WWTR1: variants seen among roughly 807,000 people sequenced by gnomAD.
WWTR1 encodes the protein WW domain containing transcription regulator 1, also known as WW domain-containing transcription regulator protein 1.
WWTR1 carries 13 observed loss-of-function variants against 40.1 expected under a neutral mutation model. That is an observed-to-expected ratio of 0.32 (90% CI 0.21 to 0.52). The LOEUF is 0.52. WWTR1 is among the 20% of genes least tolerant of loss of function. The pLI, the probability that WWTR1 is intolerant of heterozygous loss-of-function variation, is 0.97. For synonymous variants in WWTR1, 230 were observed against 210.1 expected (o/e 1.09, Z -0.82); for missense variants, 436 against 523.1 (o/e 0.83, Z 1.63).
At chr3:149,537,669 C>G (rs979159165) in intron 4 of WWTR1, among the ~76,000 whole-genome samples, 1 of 152,120 alleles carries the variant, frequency 6.6e-6, no homozygotes, top group Non-Finnish European at 1.5e-5. Context: ...GAAATAGCCA[C>G]CACAACCAAG....
In WWTR1 at chr3:149,517,781, A is replaced by G. The variant is rs752776538; in HGVS notation, c.*3024T>C. The G allele has an allele frequency of 2.2e-4, 33 of 152,234 alleles. No individual in the cohort carries two copies. The highest frequency in any genetic ancestry group is 3.1e-4 in the Non-Finnish European group (21 of 68,042). The allele number at this position is 152,234 out of a possible 1,614,324, so 9.4% of individuals were successfully genotyped here. A position where few individuals can be genotyped will look rare whatever the true frequency, so the allele number is the denominator to read the frequency against. On this transcript the variant is annotated 3_prime_UTR_variant, in exon 7 of 7. Transcript: ENST00000360632. ...ATTACTTAGATTTAACAGAATTGCAATTAGGTTTTGACAATGTATTTACTT... is the reference window on the plus strand; with the variant it reads ...ATTACTTAGATTTAACAGAATTGCAGTTAGGTTTTGACAATGTATTTACTT...
intron 2 of WWTR1, among the ~76,000 whole-genome samples, chr3:149,638,747 C>T (rs1711984452): frequency 6.6e-6 from 1 of 152,134 alleles, no homozygotes; most frequent in African/African-American, 2.4e-5. Context: ...CACGCTAGAC[C>T]CCAGAGTATT....
chr3:149,674,265 C>T (rs13072273), intron 1 of WWTR1, among the ~76,000 whole-genome samples: 30,160 of 143,622 alleles, frequency 0.21, 3,266 homozygotes, highest in Admixed American at 0.31. Flanking sequence ...CTGTCTTTCT[C>T]TATCTCTTTC....
chr3:149,532,483 T>G (rs991556085), intron 4 of WWTR1, among the ~76,000 whole-genome samples: 1 of 152,216 alleles, frequency 6.6e-6, no homozygotes, highest in African/African-American at 2.4e-5. Context: ...AACATAAAAT[T>G]TGTTCGAATA....
At chr3:149,710,949 T>C (rs1052615527) in intron 5 of WWTR1, among the ~76,000 whole-genome samples, 1 of 151,962 alleles carries the variant, frequency 6.6e-6, no homozygotes, top group African/African-American at 2.4e-5. Context: ...AGTTCACATA[T>C]GTAGTAAAGA....
At chr3:149,563,234 A>G (rs1029212160) in intron 3 of WWTR1, among the ~76,000 whole-genome samples, 1 of 152,170 alleles carries the variant, frequency 6.6e-6, no homozygotes, top group Non-Finnish European at 1.5e-5. Context: ...AGAAAGGACT[A>G]AAAAAGAAAA....
rs373915451 is a variant in WWTR1, at chr3:149,602,106, A to G, written c.432-29106T>C. ...CCTACTAGAAAAACTACCAATATGC[A>G]TTTGCAGACACTCAAATAATGCTGG... On this transcript the variant is annotated intron_variant, in intron 2 of 6. Coordinates refer to ENST00000360632, the MANE Select transcript of WWTR1 (RefSeq NM_015472.6). Among the ~76,000 whole-genome samples the G allele has an allele frequency of 5.9e-5, 9 of 152,300 alleles. No individual in the cohort carries two copies. The East Asian group carries it at 9.6e-4, about 16-fold the overall frequency.
At chr3:149,689,924 T>C (rs772978324) in intron 1 of WWTR1, among the ~76,000 whole-genome samples, 5 of 152,082 alleles carry the variant, frequency 3.3e-5, no homozygotes, top group Admixed American at 3.3e-4. Flanking sequence ...AAGATATAGA[T>C]AGTATAATAA....
At chr3:149,670,288 C>G (rs1000475983) in intron 1 of WWTR1, among the ~76,000 whole-genome samples, 1 of 152,196 alleles carries the variant, frequency 6.6e-6, no homozygotes, top group Non-Finnish European at 1.5e-5. Flanking sequence ...CACAGGCTGA[C>G]TTCTCCATTT....
At chr3:149,597,430 TAC>T (rs1739046043) in intron 2 of WWTR1, among the ~76,000 whole-genome samples, 3 of 36,402 alleles carry the variant, frequency 8.2e-5, no homozygotes. Context: ...ACCCCAGCTC[TAC>T]AAAAAAAAAA....
chr3:149,539,409 G>A (rs1198230626), intron 4 of WWTR1, among the ~76,000 whole-genome samples: 5 of 152,100 alleles, frequency 3.3e-5, no homozygotes, highest in Admixed American at 3.3e-4. Context: ...CTGGGGCCTT[G>A]CTCCCAGACA....
At chr3:149,665,638 C>A (rs1231410410) in intron 2 of WWTR1, among the ~76,000 whole-genome samples, 2 of 151,882 alleles carry the variant, frequency 1.3e-5, no homozygotes, top group African/African-American at 4.8e-5. Context: ...AATGTGACAA[C>A]CTGAAAAATG....
At chr3:149,667,273 G>C (rs1311078884) in intron 2 of WWTR1, among the ~76,000 whole-genome samples, 1 of 151,996 alleles carries the variant, frequency 6.6e-6, no homozygotes, top group Non-Finnish European at 1.5e-5. Context: ...GGGGCCGGGC[G>C]CAGTGGCTCA....
intron 3 of WWTR1, among the ~76,000 whole-genome samples, chr3:149,560,878 G>A (rs1737051885): frequency 6.6e-6 from 1 of 152,064 alleles, no homozygotes; most frequent in South Asian, 2.1e-4. Flanking sequence ...GAAAAACAGA[G>A]TTAGTGGGAA....
intron 1 of WWTR1, among the ~76,000 whole-genome samples, chr3:149,675,660 C>T (rs1490387197): frequency 6.6e-6 from 1 of 151,884 alleles, no homozygotes; most frequent in Admixed American, 6.6e-5. Flanking sequence ...GTAAAATGGC[C>T]AGAACCTAAT....
chr3:149,674,678 T>C (rs983869096), intron 1 of WWTR1, among the ~76,000 whole-genome samples: 1 of 152,140 alleles, frequency 6.6e-6, no homozygotes, highest in Non-Finnish European at 1.5e-5. Context: ...CTGATACACC[T>C]CCTTAGAAAG....
chr3:149,661,999 G>A (rs534426081), upstream of WWTR1, among the ~76,000 whole-genome samples: 26 of 151,068 alleles, frequency 1.7e-4, no homozygotes, highest in African/African-American at 6.1e-4. Flanking sequence ...CCAAAGTGCT[G>A]GGATTACAGG....
At chr3:149,565,316 T>C (rs1737260374) in intron 3 of WWTR1, among the ~76,000 whole-genome samples, 1 of 152,122 alleles carries the variant, frequency 6.6e-6, no homozygotes, top group South Asian at 2.1e-4. Context: ...ACTTTTTTTT[T>C]TTAAGGAAAA....
At chr3:149,662,952 C>A (rs73155030), upstream of WWTR1, among the ~76,000 whole-genome samples, 1,930 of 152,200 alleles carry the variant, frequency 0.013, 21 homozygotes, top group Non-Finnish European at 0.019. Context: ...GTTCAGTAAT[C>A]TCTCCCTTCT....
Sources: allele counts gnomAD v4.1 joint callset (sites outside exome capture counted in the v4.1 genomes callset), GRCh38; gene constraint gnomAD v4.1.1; transcripts MANE v1.5; gene names NCBI Gene and HGNC (gene_info 2026-07-23, HGNC 2026-07-21).